Variants in TMEM161B observed in about 807,000 individuals in gnomAD.
TMEM161B encodes the protein transmembrane protein 161B.
TMEM161B carries 34 observed loss-of-function variants against 61.8 expected under a neutral mutation model. The observed-to-expected ratio is 0.55, with a 90% confidence interval of 0.42 to 0.73. The LOEUF is 0.73. Ranked by LOEUF, TMEM161B falls within the 30% of genes least tolerant of loss-of-function variation. The pLI is 0.00. For missense variants in TMEM161B, 456 were observed against 558.5 expected (o/e 0.82, Z 1.85); for synonymous variants, 167 against 192.8 (o/e 0.87, Z 1.11).
Position 88,264,778 on chromosome 5 carries a change from T to G in TMEM161B, c.3+3943A>C, listed in dbSNP as rs568275828. 2.0e-5 allele frequency among the ~76,000 whole-genome samples: 3 copies of G among 152,358 alleles called. No individual in the cohort carries two copies. In the South Asian group the frequency reaches 6.2e-4, roughly 32 times the overall value. On this transcript the variant is annotated intron_variant, in intron 1 of 11. Coordinates refer to ENST00000296595, the MANE Select transcript of TMEM161B (RefSeq NM_153354.5). ...AGCCATAAAAAAGAATGAGTTCATG[T>G]CCTTTGCAGGGACATGGATGAAGCT...
chr5:88,267,692 G>C (rs1222437590), intron 1 of TMEM161B, among the ~76,000 whole-genome samples: 1 of 152,096 alleles, frequency 6.6e-6, no homozygotes, highest in Admixed American at 6.5e-5. Context: ...TTACTGCAAA[G>C]AATCATCTTT....
In TMEM161B at chr5:88,243,232, C is replaced by A. The variant is rs191710540; in HGVS notation, c.4-2316G>T. On this transcript the variant is annotated intron_variant, in intron 1 of 11. Coordinates refer to ENST00000296595, the MANE Select transcript of TMEM161B (RefSeq NM_153354.5). ...TGATAGGTAGTTTTTCAGTCATCAC[C>A]CTCCTCCTACCTTCCATCCTCAAGT... Among the ~76,000 whole-genome samples, 30 of 151,780 alleles carry A rather than the reference C, an allele frequency of 2.0e-4. 1 individual carries two copies. In the East Asian group the frequency reaches 5.8e-3, roughly 30 times the overall value.
At chr5:88,261,999 CA>C (rs1045312079) in intron 1 of TMEM161B, among the ~76,000 whole-genome samples, 4 of 151,954 alleles carry the variant, frequency 2.6e-5, no homozygotes, top group Non-Finnish European at 5.9e-5. Flanking sequence ...CAAACCAGAC[CA>C]GGGGAAAATA....
At chr5:88,214,532 CA>C (rs1747459387) in intron 5 of TMEM161B, among the ~76,000 whole-genome samples, 1 of 152,022 alleles carries the variant, frequency 6.6e-6, no homozygotes, top group South Asian at 2.1e-4. Context: ...GCTTTGCAAG[CA>C]ACATTTTTAC....
chr5:88,253,146 T>C, intron 1 of TMEM161B, among the ~76,000 whole-genome samples: 1 of 152,318 alleles, frequency 6.6e-6, no homozygotes, highest in South Asian at 2.1e-4. Context: ...ACTCTTTCTT[T>C]AGATAAAACC....
chr5:88,267,957 C>T (rs1227075668), intron 1 of TMEM161B, among the ~76,000 whole-genome samples: 2 of 152,198 alleles, frequency 1.3e-5, no homozygotes, highest in East Asian at 3.8e-4. Context: ...AACAGCTCCT[C>T]CTCAGAATAC....
downstream of TMEM161B, chr5:88,190,315 G>T: frequency 1.4e-6 from 1 of 698,238 alleles, no homozygotes; most frequent in South Asian, 1.5e-5. Flanking sequence ...TGACAAATGC[G>T]AGATGTAGAA....
At chr5:88,254,856 A>AG (rs1303991651) in intron 1 of TMEM161B, among the ~76,000 whole-genome samples, 2 of 151,464 alleles carry the variant, frequency 1.3e-5, no homozygotes, top group African/African-American at 2.4e-5. Context: ...AAAAATTTTA[A>AG]GGGAAAAAAA....
At chr5:88,221,809 C>T (rs1749041178) in intron 4 of TMEM161B, 1 of 453,316 alleles carries the variant, frequency 2.2e-6, no homozygotes. Flanking sequence ...TTCAGATGTT[C>T]TTATGGCACA....
At chr5:88,241,581 G>A (rs1752743834) in intron 1 of TMEM161B, among the ~76,000 whole-genome samples, 1 of 151,766 alleles carries the variant, frequency 6.6e-6, no homozygotes, top group African/African-American at 2.4e-5. Context: ...AGGTGGTAGT[G>A]ATCACAAACC....
At chr5:88,245,888 T>A (rs1171917708) in intron 1 of TMEM161B, among the ~76,000 whole-genome samples, 1 of 152,016 alleles carries the variant, frequency 6.6e-6, no homozygotes, top group Non-Finnish European at 1.5e-5. Flanking sequence ...TAGCTTTCTG[T>A]AATAATCCAG....
intron 4 of TMEM161B, 22 bp from the exon 5 acceptor site, chr5:88,220,741 A>AAAAAAAAAAAAAAAAAC: frequency 6.6e-7 from 1 of 1,519,422 alleles, no homozygotes; most frequent in Non-Finnish European, 8.8e-7. Flanking sequence ...AAAAAAAAAA[A>AAAAAAAAAAAAAAAAAC]AAAAAAAAAA....
chr5:88,232,300 T>C (rs1344268445), intron 2 of TMEM161B, among the ~76,000 whole-genome samples: 1 of 152,130 alleles, frequency 6.6e-6, no homozygotes, highest in Non-Finnish European at 1.5e-5. Context: ...TGAATGACCA[T>C]AAAAGCACTG....
chr5:88,222,300 C>A (rs887757200), intron 4 of TMEM161B, among the ~76,000 whole-genome samples: 3 of 152,088 alleles, frequency 2.0e-5, no homozygotes, highest in Admixed American at 6.6e-5. Flanking sequence ...AACTCCTGGG[C>A]TCAAGCCATC....
intron 9 of TMEM161B, chr5:88,200,899 T>A (rs1744269385): frequency 6.6e-6 from 1 of 152,068 alleles, no homozygotes; most frequent in Non-Finnish European, 1.5e-5. Context: ...GAAACTACAT[T>A]ATACCATATT....
chr5:88,244,584 CTTT>C (rs369319062), intron 1 of TMEM161B, among the ~76,000 whole-genome samples: 6 of 116,004 alleles, frequency 5.2e-5, no homozygotes, highest in Admixed American at 8.7e-5. Context: ...TCCAGCTTTG[CTTT>C]TTTTTTTTTT....
intron 1 of TMEM161B, among the ~76,000 whole-genome samples, chr5:88,244,169 T>C (rs1375304221): frequency 6.6e-6 from 1 of 152,000 alleles, no homozygotes; most frequent in Non-Finnish European, 1.5e-5. Flanking sequence ...TTGTTATTGC[T>C]GCAATTGCTT....
intron 5 of TMEM161B, among the ~76,000 whole-genome samples, chr5:88,207,638 AG>A (rs1745776642): frequency 6.6e-6 from 1 of 152,190 alleles, no homozygotes; most frequent in East Asian, 1.9e-4. Context: ...ATTAGTAATA[AG>A]AAAAAATCTT....
In TMEM161B at chr5:88,228,497, C is replaced by A. The variant is rs760108676; in HGVS notation, c.139G>T (p.Glu47Ter). Residue 47 changes from glutamate to a stop codon, truncating the protein, a stop_gained, in exon 3 of 12, where the codon GAA becomes TAA. Coordinates refer to ENST00000296595, the MANE Select transcript of TMEM161B (RefSeq NM_153354.5). LOFTEE classifies it high-confidence loss of function. ...TGTTTCCCTGCAAGAATTCTTAATT[C>A]TTCTTCTGTAGGATGTTGATACCAC... ...LRWYQHPTEE[E>*]LRILAGKQQK... The A allele has an allele frequency of 3.7e-6, 6 of 1,607,434 alleles. No individual in the cohort carries two copies. Among genetic ancestry groups the A allele is most frequent in the Non-Finnish European group, 5.1e-6 (6 of 1,177,890 alleles).
Sources: allele counts gnomAD v4.1 joint callset (sites outside exome capture counted in the v4.1 genomes callset), GRCh38; gene constraint gnomAD v4.1.1; transcripts MANE v1.5; gene names NCBI Gene and HGNC (gene_info 2026-07-23, HGNC 2026-07-21).